Variants in FRMD4A observed in about 807,000 individuals in gnomAD.
The protein encoded by FRMD4A is FERM domain containing 4A, also known as FERM domain-containing protein 4A.
Under a neutral mutation model 129.1 loss-of-function variants are expected in FRMD4A, and 29 were observed. The observed-to-expected ratio is 0.22, with a 90% CI of 0.17 to 0.31. FRMD4A has a LOEUF of 0.31. FRMD4A is among the 10% of genes least tolerant of loss of function. FRMD4A has a pLI of 1.00. For missense variants in FRMD4A, 1,272 were observed against 1,375.8 expected, an observed-to-expected ratio of 0.92 and a Z score of 1.19; for synonymous variants, 634 against 571.6, an observed-to-expected ratio of 1.11 and a Z score of -1.56.
chr10:13,900,860 G>C (rs1241199758), intron 2 of FRMD4A, among the ~76,000 whole-genome samples: 1 of 152,122 alleles, frequency 6.6e-6, no homozygotes, highest in Non-Finnish European at 1.5e-5. Context: ...TCACGCCACT[G>C]TACTCCAGCC....
rs201611485 is a variant in FRMD4A at position 14,231,738 on chromosome 10, GTGTT to G, written c.45+98316_45+98319del. 7.6e-3 allele frequency among the ~76,000 whole-genome samples: 1,153 copies of G among 152,292 alleles called. 27 individuals are homozygous for G. In the East Asian group the frequency reaches 0.084, roughly 11 times the overall value. On this transcript the variant is annotated intron_variant, in intron 2 of 24. Transcript: ENST00000357447. ...CCACGAGCATGTCTTCTTTTAAGAA[GTGTT>G]TGTTTATGTTTTTTGCTCATTTTTA...
intron 2 of FRMD4A, among the ~76,000 whole-genome samples, chr10:14,038,343 T>C (rs1026832517): frequency 1.6e-4 from 24 of 152,064 alleles, no homozygotes; most frequent in East Asian, 3.9e-4. Context: ...AATAAATAAA[T>C]AAAAATAAAA....
chr10:13,961,295 G>A (rs554974689), intron 2 of FRMD4A, among the ~76,000 whole-genome samples: 21 of 152,302 alleles, frequency 1.4e-4, no homozygotes, highest in African/African-American at 5.1e-4. Flanking sequence ...TCATTCACTG[G>A]AAACCCATCT....
chr10:13,948,223 G>A (rs1345729488), intron 2 of FRMD4A, among the ~76,000 whole-genome samples: 1 of 152,072 alleles, frequency 6.6e-6, no homozygotes, highest in Non-Finnish European at 1.5e-5. Context: ...GATTCTCACT[G>A]TTGCCCAGGC....
intron 21 of FRMD4A, among the ~76,000 whole-genome samples, chr10:13,657,902 T>C (rs1407054177): frequency 6.6e-6 from 1 of 151,382 alleles, no homozygotes; most frequent in Non-Finnish European, 1.5e-5. Context: ...ATCCCAGTGC[T>C]TCAGGAGGCT....
At chr10:13,986,708 C>T (rs191947173) in intron 2 of FRMD4A, among the ~76,000 whole-genome samples, 105 of 147,162 alleles carry the variant, frequency 7.1e-4, no homozygotes, top group Middle Eastern at 3.6e-3. Flanking sequence ...AAAAGAAAAG[C>T]TTTTCCCTGC....
Position 13,979,015 on chromosome 10 carries a change from T to A in FRMD4A, c.46-120103A>T, listed in dbSNP as rs143797428. Among the ~76,000 whole-genome samples the A allele has an allele frequency of 3.3e-3, 503 of 152,246 alleles. 1 individual carries two copies. The highest frequency in any genetic ancestry group is 6.6e-3 in the South Asian group (32 of 4,816). On this transcript the variant is annotated intron_variant, in intron 2 of 24. Coordinates refer to ENST00000357447, the MANE Select transcript of FRMD4A (RefSeq NM_018027.5). ...CTGCCATATGCACACCAGGCCCCAGTAGAAATAAAACCAGAGCCGCCTGAA... is the reference window on the plus strand; with the variant it reads ...CTGCCATATGCACACCAGGCCCCAGAAGAAATAAAACCAGAGCCGCCTGAA...
intron 3 of FRMD4A, among the ~76,000 whole-genome samples, chr10:13,826,031 G>A (rs1382936168): frequency 3.3e-5 from 5 of 152,298 alleles, no homozygotes; most frequent in South Asian, 2.1e-4. Context: ...AGTTCTACCC[G>A]ATGTGTACCT....
intron 2 of FRMD4A, among the ~76,000 whole-genome samples, chr10:13,953,907 C>T (rs1336441566): frequency 6.6e-6 from 1 of 152,160 alleles, no homozygotes; most frequent in Non-Finnish European, 1.5e-5. Flanking sequence ...CTTGCAGTAT[C>T]AATTATTTTT....
intron 2 of FRMD4A, among the ~76,000 whole-genome samples, chr10:14,228,773 AG>A (rs1392405472): frequency 6.6e-6 from 1 of 150,620 alleles, no homozygotes; most frequent in Non-Finnish European, 1.5e-5. Flanking sequence ...TTTTTTTTTT[AG>A]TAATTGAAAA....
intron 2 of FRMD4A, chr10:13,866,247 T>C: frequency 4.2e-6 from 4 of 948,394 alleles, no homozygotes; most frequent in Non-Finnish European, 5.0e-6. Context: ...GCCAAGGCCC[T>C]ACCAGTGACT....
Position 13,737,870 on chromosome 10 carries a change from A to G in FRMD4A, c.733T>C (p.Tyr245His), listed in dbSNP as rs781194304. 6.2e-7 allele frequency: 1 copy of G among 1,600,508 alleles called. No homozygotes were observed. The highest frequency in any genetic ancestry group is 8.6e-7 in the Non-Finnish European group (1 of 1,167,926). The part of the protein sequence containing the change: ...LSYKGIFQYD[Y>H]HDKVKPRKIF... ...TTTCTTGGCTTCACTTTATCATGGT[A>G]GTCATACTGGAAGATCCCTTTGTAG... The change falls in exon 12 of 25, where the codon TAC (tyrosine) becomes CAC (histidine). Residue 245 changes from tyrosine to histidine, a missense_variant. Coordinates refer to ENST00000357447, the MANE Select transcript of FRMD4A (RefSeq NM_018027.5).
chr10:13,929,605 AT>A (rs1331616241), intron 2 of FRMD4A, among the ~76,000 whole-genome samples: 1 of 152,202 alleles, frequency 6.6e-6, no homozygotes, highest in Non-Finnish European at 1.5e-5. Flanking sequence ...ACCTGAAAAA[AT>A]TGGGGGACAG....
chr10:14,046,898 C>T (rs1346144897), intron 2 of FRMD4A, among the ~76,000 whole-genome samples: 4 of 152,022 alleles, frequency 2.6e-5, no homozygotes, highest in Admixed American at 6.6e-5. Context: ...GCATGGGAGT[C>T]GCTGGTCCCT....
chr10:13,765,711 C>T (rs1305270741), intron 6 of FRMD4A, among the ~76,000 whole-genome samples: 2 of 152,080 alleles, frequency 1.3e-5, no homozygotes, highest in South Asian at 2.1e-4. Context: ...TGCTGGGATG[C>T]GGAAGAATGT....
At chr10:13,699,233 T>TG (rs1564638035) in intron 14 of FRMD4A, among the ~76,000 whole-genome samples, 2 of 128,478 alleles carry the variant, frequency 1.6e-5, no homozygotes, top group African/African-American at 5.6e-5. Context: ...TGTTTTTTTT[T>TG]TTTTTTTTTT....
intron 2 of FRMD4A, among the ~76,000 whole-genome samples, chr10:14,036,479 G>A (rs1343095126): frequency 6.6e-6 from 1 of 152,210 alleles, no homozygotes. Context: ...AGGCCAAGGG[G>A]AGCGGAGTAT....
intron 15 of FRMD4A, among the ~76,000 whole-genome samples, chr10:13,691,534 C>CT (rs1244275587): frequency 3.3e-5 from 5 of 152,146 alleles, no homozygotes; most frequent in Non-Finnish European, 7.3e-5. Flanking sequence ...ACAAGAGAGT[C>CT]TCCCCAATTA....
intron 15 of FRMD4A, chr10:13,684,278 A>T: frequency 2.0e-6 from 2 of 976,122 alleles, no homozygotes; most frequent in Non-Finnish European, 2.4e-6. Context: ...GACCCTAAAA[A>T]GACAATTCCC....
Sources: allele counts gnomAD v4.1 joint callset (sites outside exome capture counted in the v4.1 genomes callset), GRCh38; gene constraint gnomAD v4.1.1; transcripts MANE v1.5; gene names NCBI Gene and HGNC (gene_info 2026-07-23, HGNC 2026-07-21).